The following MEMO1 variants were observed in gnomAD, a reference collection of about 807,000 sequenced individuals.
MEMO1 encodes the protein mediator of cell motility 1.
Under a neutral mutation model 45.2 loss-of-function variants are expected in MEMO1, and 6 were observed. That is an observed-to-expected ratio of 0.13 (90% CI 0.07 to 0.26). The LOEUF (loss-of-function observed/expected upper bound fraction) is 0.26, where lower values mean the gene tolerates loss of function less well. Ranked by LOEUF, MEMO1 falls within the 10% of genes least tolerant of loss-of-function variation. The probability of loss-of-function intolerance (pLI) is 1.00; values close to 1 mark genes in which losing one functional copy is unlikely to be tolerated. For missense variants in MEMO1, 184 were observed against 370.5 expected (o/e 0.50, Z 4.13); for synonymous variants, 78 against 124.3 (o/e 0.63, Z 2.48).
At chr2:31,945,866 A>G (rs1369816351) in intron 2 of MEMO1, among the ~76,000 whole-genome samples, 1 of 152,234 alleles carries the variant, frequency 6.6e-6, no homozygotes, top group African/African-American at 2.4e-5. Context: ...AGGACAAACT[A>G]TGTGTGACAA....
chr2:31,996,526 A>G (rs1485145658), intron 2 of MEMO1, among the ~76,000 whole-genome samples: 1 of 152,176 alleles, frequency 6.6e-6, no homozygotes, highest in African/African-American at 2.4e-5. Context: ...CCTGGGCAAC[A>G]GAGTGACACC....
At chr2:31,870,014 T>C in intron 8 of MEMO1, 62 bp from the exon 9 acceptor site, 1 of 1,233,104 alleles carries the variant, frequency 8.1e-7, no homozygotes, top group Admixed American at 3.1e-5. Flanking sequence ...ATTTATTATT[T>C]CCTAATTATA....
intron 6 of MEMO1, among the ~76,000 whole-genome samples, chr2:31,912,747 AAT>A (rs1394557774): frequency 2.0e-5 from 3 of 152,128 alleles, no homozygotes; most frequent in Admixed American, 6.5e-5. Context: ...CATATGCAAA[AAT>A]ATATGTTAGT....
At chr2:31,976,238 C>A (rs1016430065) in intron 2 of MEMO1, among the ~76,000 whole-genome samples, 5 of 152,166 alleles carry the variant, frequency 3.3e-5, no homozygotes, top group Admixed American at 6.5e-5. Context: ...TAAATGCTTT[C>A]TCCATGTACA....
At chr2:31,984,703 G>A (rs1671062630) in intron 2 of MEMO1, among the ~76,000 whole-genome samples, 1 of 152,238 alleles carries the variant, frequency 6.6e-6, no homozygotes, top group African/African-American at 2.4e-5. Context: ...CCAGTCGGGA[G>A]GCTGAGGCAG....
intron 2 of MEMO1, among the ~76,000 whole-genome samples, chr2:31,953,859 C>G (rs1232337443): frequency 2.0e-5 from 3 of 152,146 alleles, no homozygotes; most frequent in African/African-American, 7.2e-5. Flanking sequence ...TCGCTACTCT[C>G]CTTCAAATAT....
chr2:31,919,473 A>G (rs2148165774), intron 5 of MEMO1, among the ~76,000 whole-genome samples: 1 of 152,134 alleles, frequency 6.6e-6, no homozygotes, highest in Non-Finnish European at 1.5e-5. Flanking sequence ...TATTCTATAC[A>G]AGAAATTTCT....
chr2:32,001,511 T>G (rs759264571), intron 2 of MEMO1, among the ~76,000 whole-genome samples: 1 of 152,206 alleles, frequency 6.6e-6, no homozygotes, highest in African/African-American at 2.4e-5. Flanking sequence ...TAAAAAGATG[T>G]TTACTGATTC....
chr2:31,904,652 T>C (rs968881093), intron 6 of MEMO1, among the ~76,000 whole-genome samples: 6 of 152,178 alleles, frequency 3.9e-5, no homozygotes, highest in Admixed American at 2.6e-4. Flanking sequence ...TAATGCTCGC[T>C]GGCCCACCGT....
intron 6 of MEMO1, among the ~76,000 whole-genome samples, chr2:31,916,511 G>A (rs1340224638): frequency 1.3e-5 from 2 of 152,172 alleles, no homozygotes; most frequent in Admixed American, 1.3e-4. Context: ...TTACAGACAA[G>A]CACCACTGCA....
At chr2:31,986,083 C>T (rs1222804365) in intron 2 of MEMO1, among the ~76,000 whole-genome samples, 3 of 152,038 alleles carry the variant, frequency 2.0e-5, no homozygotes, top group South Asian at 2.1e-4. Flanking sequence ...TCACTACTGC[C>T]TATTGTTTTT....
chr2:31,957,728 C>A (rs1422172067), intron 2 of MEMO1, among the ~76,000 whole-genome samples: 1 of 152,202 alleles, frequency 6.6e-6, no homozygotes, highest in Non-Finnish European at 1.5e-5. Flanking sequence ...CTCTAATGAA[C>A]AAAATTAACA....
At chr2:31,938,473 C>T (rs896030638) in intron 3 of MEMO1, among the ~76,000 whole-genome samples, 8 of 151,748 alleles carry the variant, frequency 5.3e-5, no homozygotes, top group Non-Finnish European at 8.8e-5. Flanking sequence ...GGTGAAACCA[C>T]GTCTCTACTA....
chr2:31,907,127 G>C (rs1055582031), intron 6 of MEMO1, among the ~76,000 whole-genome samples: 1 of 152,046 alleles, frequency 6.6e-6, no homozygotes, highest in Admixed American at 6.6e-5. Flanking sequence ...CTAATCCCAT[G>C]AAAACTGCAG....
At chr2:31,937,210 G>A (rs1056347919) in intron 3 of MEMO1, among the ~76,000 whole-genome samples, 33 of 152,062 alleles carry the variant, frequency 2.2e-4, no homozygotes, top group Non-Finnish European at 5.9e-5. Flanking sequence ...AGATAATTGT[G>A]CCCAAAAAAG....
chr2:31,973,069 G>A (rs1669591875), intron 2 of MEMO1, among the ~76,000 whole-genome samples: 1 of 152,196 alleles, frequency 6.6e-6, no homozygotes, highest in Non-Finnish European at 1.5e-5. Context: ...AAATGGTGCA[G>A]TCACTGTGGA....
chr2:31,938,718 G>GT (rs1558518772), intron 3 of MEMO1, among the ~76,000 whole-genome samples: 1 of 151,364 alleles, frequency 6.6e-6, no homozygotes, highest in Non-Finnish European at 1.5e-5. Context: ...AAAACTTAAA[G>GT]TAAGTTTTTG....
intron 3 of MEMO1, 114 bp from the exon 4 acceptor site, chr2:31,932,249 C>A: frequency 2.6e-6 from 2 of 770,812 alleles, no homozygotes; most frequent in East Asian, 2.7e-5. Context: ...GAATTGAGAG[C>A]ATATGTTAAA....
At chr2:31,925,596 T>G (rs1478694782) in intron 4 of MEMO1, among the ~76,000 whole-genome samples, 1 of 151,986 alleles carries the variant, frequency 6.6e-6, no homozygotes, top group Non-Finnish European at 1.5e-5. Flanking sequence ...CTGTGAACTC[T>G]GGAATTCTGG....
Sources: gnomAD v4.1 joint callset for allele counts (sites outside exome capture counted in the v4.1 genomes callset) on GRCh38, gnomAD v4.1.1 for gene constraint, MANE v1.5 for transcripts, NCBI Gene and HGNC (gene_info 2026-07-23, HGNC 2026-07-21) for gene names.